The following TUFM variants were observed in gnomAD, a reference collection of about 807,000 sequenced individuals.
TUFM encodes Tu translation elongation factor, mitochondrial, also known as elongation factor Tu, mitochondrial.
A neutral mutation model predicts 45.0 loss-of-function variants in TUFM; 23 were observed. The observed-to-expected ratio is 0.51, with a 90% confidence interval of 0.37 to 0.72. The LOEUF (loss-of-function observed/expected upper bound fraction) is 0.72, where lower values mean the gene tolerates loss of function less well. Among genes scored for constraint, TUFM ranks in the 30% least tolerant of loss-of-function variants. The pLI, the probability that TUFM is intolerant of heterozygous loss-of-function variation, is 0.00. For missense variants in TUFM, 490 were observed against 610.7 expected, an observed-to-expected ratio of 0.80 and a Z score of 2.08; for synonymous variants, 243 against 252.9, an observed-to-expected ratio of 0.96 and a Z score of 0.37.
rs1370970953 is a variant in TUFM at position 28,843,736 on chromosome 16, C to T, written c.1194G>A (p.Lys398=). 5 of 1,612,696 alleles carry T rather than the reference C, an allele frequency of 3.1e-6. No individual in the cohort carries two copies. Among genetic ancestry groups the T allele is most frequent in the Non-Finnish European group, 4.2e-6 (5 of 1,179,930 alleles). ...CCTACATTCCTCCCACCCACCGTAC[C>T]TTCTCTGGGGGCAGGATAATCCGAC... The part of the protein sequence containing the change: ...MACRIILPPE[K]ELAMPGEDLK... The change falls in exon 9 of 10, where the codon AAG becomes AAA. Residue 398 remains lysine, a splice_region_variant and synonymous_variant. Coordinates refer to ENST00000313511, the MANE Select transcript of TUFM (RefSeq NM_003321.5).
rs1961860629 is a variant in TUFM at position 28,843,841 on chromosome 16, G to C, written c.1089C>G (p.Ser363Arg). 3.7e-6 allele frequency: 6 copies of C among 1,614,040 alleles called. No individual in the cohort carries two copies. Among genetic ancestry groups the C allele is most frequent in the South Asian group, 2.2e-5 (2 of 91,086 alleles). ...GCTTGTGGCGGCCACCTTCCTCCTT[G>C]CTGAGGATGTAAACCTGGAGGAGAG... ...QKVEAQVYILSKEEGGRHKPF... is the reference protein window; with the variant it reads ...QKVEAQVYILRKEEGGRHKPF... The change falls in exon 9 of 10, where the codon AGC becomes AGG. Residue 363 changes from serine to arginine, a missense_variant. Coordinates refer to ENST00000313511, the MANE Select transcript of TUFM (RefSeq NM_003321.5).
rs754022445 is a variant in TUFM at position 28,844,303 on chromosome 16, C to G, written c.849G>C (p.Glu283Asp). Residue 283 changes from glutamate (E) to aspartate (D), a missense_variant, in exon 7 of 10, where the codon GAG becomes GAC. Physicochemically the swap from Glu to Asp is conservative, Grantham distance 45 (BLOSUM62 2). Transcript: ENST00000313511. This position sits in a 1 kb window ranked among gnomAD's most constrained non-coding sequence, Gnocchi z 5.8. The part of the protein sequence containing the change: ...GRGTVVTGTL[E>D]RGILKKGDEC... ...CGTCTCCCTTCTTTAAAATGCCACG[C>G]TCTAGTGTACCTGTCACCACGGTGC... 5.6e-6 allele frequency: 9 copies of G among 1,614,054 alleles called. No individual in the cohort carries two copies. Among genetic ancestry groups the G allele is most frequent in the Non-Finnish European group, 1.7e-6 (2 of 1,180,054 alleles).
Position 28,844,407 on chromosome 16 carries a change from C to CA in TUFM, c.817+11dup. 4.3e-6 allele frequency: 7 copies of CA among 1,614,216 alleles called. No individual in the cohort carries two copies. Among genetic ancestry groups the CA allele is most frequent in the East Asian group, 4.5e-5 (2 of 44,892 alleles). On this transcript the variant is annotated intron_variant, in intron 6 of 9. Coordinates refer to ENST00000313511, the MANE Select transcript of TUFM (RefSeq NM_003321.5). The surrounding 1 kb of genome is among the most constrained non-coding windows in gnomAD (Gnocchi z 5.8). The stretch of plus-strand genomic sequence containing the variant: ...GCTAGAGAGAGTGCGTGGGAACAGA[C>CA]AGAGTCCTCACCAGGGACGGAGTAC...
At position 28,844,151 on chromosome 16, in the gene TUFM, C is replaced by CA; in HGVS notation, c.923-51dup. The CA allele has an allele frequency of 6.2e-7, 1 of 1,613,996 alleles. No homozygotes were observed. The highest frequency in any genetic ancestry group is 8.5e-7 in the Non-Finnish European group (1 of 1,179,832). ...AGGGAGAAGGAAGGCGAATGTGAGA[C>CA]AGAGGGAAGGCACAAGGGATCTGCC... On this transcript the variant is annotated intron_variant, in intron 7 of 9. Transcript: ENST00000313511. This position sits in a 1 kb window ranked among gnomAD's most constrained non-coding sequence, Gnocchi z 5.8.
chr16:28,844,822 T>C lies in TUFM; in HGVS notation c.560A>G (p.Asp187Gly). ...CACCATCTCAGAGTCCTGGACAGCG[T>C]CAGCCTTGTTCACATACACCACCAC... is the stretch of plus-strand genomic sequence containing the variant. ...EHVVVYVNKADAVQDSEMVEL... is the reference protein window; with the variant it reads ...EHVVVYVNKAGAVQDSEMVEL... The change falls in exon 5 of 10, where the codon GAC becomes GGC. Residue 187 changes from aspartate (D) to glycine (G), a missense_variant. By Grantham distance (94) the Asp-to-Gly change is moderately conservative. Transcript: ENST00000313511. This position sits in a 1 kb window ranked among gnomAD's most constrained non-coding sequence, Gnocchi z 5.8. 1 of 1,614,174 alleles carries C rather than the reference T, an allele frequency of 6.2e-7. No individual in the cohort carries two copies. The highest frequency in any genetic ancestry group is 8.5e-7 in the Non-Finnish European group (1 of 1,180,036).
Position 28,844,640 on chromosome 16 carries a change from T to A in TUFM, c.684+58A>T. ...ACTTCCCAGACACAAAGCAGAGCTCTGGGTGCCCATCCAGCCCCACCCTCT... is the reference window on the plus strand; with the variant it reads ...ACTTCCCAGACACAAAGCAGAGCTCAGGGTGCCCATCCAGCCCCACCCTCT... On this transcript the variant is annotated intron_variant, in intron 5 of 9. Transcript: ENST00000313511. The surrounding 1 kb of genome is among the most constrained non-coding windows in gnomAD (Gnocchi z 5.8). 3.1e-6 allele frequency: 5 copies of A among 1,613,946 alleles called. No homozygotes were observed. Among genetic ancestry groups the A allele is most frequent in the Non-Finnish European group, 4.2e-6 (5 of 1,180,002 alleles).
In TUFM at chr16:28,845,382, C is replaced by T; in HGVS notation, c.346G>A (p.Val116Met). 1 of 1,614,128 alleles carries T rather than the reference C, an allele frequency of 6.2e-7. No homozygotes were observed. Among genetic ancestry groups the T allele is most frequent in the South Asian group, 1.1e-5 (1 of 91,082 alleles). ...ARGITINAAH[V>M]EYSTAARHYA... The stretch of plus-strand genomic sequence containing the variant: ...TGGCGGGCGGCAGTGCTATACTCCA[C>T]ATGAGCCGCATTGATGGTGATACCC... The change falls in exon 3 of 10, where the codon GTG (valine) becomes ATG (methionine). Residue 116 changes from valine to methionine, a missense_variant. Val to Met is a conservative substitution (Grantham distance 21). Transcript: ENST00000313511.
chr16:28,843,991 T>C lies in TUFM; in HGVS notation c.1033A>G (p.Lys345Glu). Residue 345 changes from lysine to glutamate, a missense_variant, in exon 8 of 10, where the codon AAG (lysine) becomes GAG (glutamate). Transcript: ENST00000313511. Reference protein sequence around the residue: ...EDLRRGLVMVKPGSIKPHQKV... With the variant: ...EDLRRGLVMVEPGSIKPHQKV... ...TGGTGGGGCTTGATGGAACCTGGCTTGACCATGACCAGGCCCCGCCGCAAG... is the reference window on the plus strand; with the variant it reads ...TGGTGGGGCTTGATGGAACCTGGCTCGACCATGACCAGGCCCCGCCGCAAG... 1 of 1,614,104 alleles carries C rather than the reference T, an allele frequency of 6.2e-7. No homozygotes were observed. Among genetic ancestry groups the C allele is most frequent in the South Asian group, 1.1e-5 (1 of 91,084 alleles).
At chr16:28,845,185 G>T in intron 3 of TUFM, 129 bp downstream of exon 3, 2 of 1,567,578 alleles carry the variant, frequency 1.3e-6, no homozygotes, top group South Asian at 1.1e-5. Flanking sequence ...CATTCTGCGT[G>T]GCCAAGACCA....
intron 9 of TUFM, 135 bp downstream of exon 9, chr16:28,843,601 A>T: frequency 7.7e-7 from 1 of 1,291,604 alleles, no homozygotes; most frequent in Non-Finnish European, 1.1e-6. Flanking sequence ...GTTGGCTAGC[A>T]GCGGCAAGCA....
chr16:28,846,134 C>T (rs970483152), intron 1 of TUFM, 28 bp from the exon 2 acceptor site: 35 of 1,612,516 alleles, frequency 2.2e-5, no homozygotes, highest in Non-Finnish European at 2.9e-5. Flanking sequence ...TGGAGTCAGG[C>T]AGGGAAGGGG....
chr16:28,846,286 C>T lies in TUFM; in HGVS notation c.-17G>A. The T allele has an allele frequency of 6.4e-7, 1 of 1,550,394 alleles. No individual in the cohort carries two copies. Among genetic ancestry groups the T allele is most frequent in the Middle Eastern group, 1.7e-4 (1 of 5,890 alleles). ...TGTGGTCATACTCGCGCCCCGGTAACCGGGGAGCCGGGACCAGGAGCCCGA... is the reference window on the plus strand; with the variant it reads ...TGTGGTCATACTCGCGCCCCGGTAATCGGGGAGCCGGGACCAGGAGCCCGA... On this transcript the variant is annotated 5_prime_UTR_variant, in exon 1 of 10. Coordinates refer to ENST00000313511, the MANE Select transcript of TUFM (RefSeq NM_003321.5).
Position 28,846,202 on chromosome 16 carries a change from C to T in TUFM, c.52+16G>A. ...AAAGTGTTCCTGGGCCGCCATCGCC[C>T]TCCCTGACCACTCACCGCTGAAGTG... On this transcript the variant is annotated intron_variant, in intron 1 of 9. Coordinates refer to ENST00000313511, the MANE Select transcript of TUFM (RefSeq NM_003321.5). The T allele has an allele frequency of 5.7e-6, 9 of 1,582,508 alleles. No homozygotes were observed. The highest frequency in any genetic ancestry group is 7.7e-6 in the Non-Finnish European group (9 of 1,164,440).
Position 28,844,089 on chromosome 16 carries a change from A to C in TUFM, c.935T>G (p.Phe312Cys). 1 of 1,614,168 alleles carries C rather than the reference A, an allele frequency of 6.2e-7. No individual in the cohort carries two copies. Among genetic ancestry groups the C allele is most frequent in the Non-Finnish European group, 8.5e-7 (1 of 1,180,036 alleles). ...IRTVVTGIEM[F>C]HKSLERAEAG... ...CTCGGCCCTCTCCAGGCTCTTGTGG[A>C]ACATCTCAATGCCTAGGACGGAAAG... is the stretch of plus-strand genomic sequence containing the variant. Residue 312 changes from phenylalanine to cysteine, a missense_variant, in exon 8 of 10, where the codon TTC becomes TGC. Phe to Cys is a radical substitution (Grantham distance 205). Coordinates refer to ENST00000313511, the MANE Select transcript of TUFM (RefSeq NM_003321.5). The surrounding 1 kb of genome is among the most constrained non-coding windows in gnomAD (Gnocchi z 5.8).
chr16:28,842,815 C>T lies in TUFM; in HGVS notation c.*160G>A, dbSNP rs1015748904. The T allele has an allele frequency of 1.1e-5, 10 of 939,888 alleles. No individual in the cohort carries two copies. In the Admixed American group the frequency reaches 1.6e-4, roughly 15 times the overall value. 58.2% of individuals were successfully genotyped at this position (939,888 alleles called of 1,614,324 possible). On this transcript the variant is annotated 3_prime_UTR_variant, in exon 10 of 10. Coordinates refer to ENST00000313511, the MANE Select transcript of TUFM (RefSeq NM_003321.5). ...CTTACTATTCAAAGTTTACTGACCT[C>T]CCCAGCCAGGCAGGCCAACCCTTCC...
In TUFM at chr16:28,844,467, G is replaced by C; in HGVS notation, c.769C>G (p.Leu257Val). 1 of 1,614,164 alleles carries C rather than the reference G, an allele frequency of 6.2e-7. No individual in the cohort carries two copies. ...DTYIPVPARD[L>V]EKPFLLPVEA... ...ACAGGCAGCAGGAAAGGCTTCTCCAGGTCCCGGGCGGGCACTGGGATGTAA... is the reference window on the plus strand; with the variant it reads ...ACAGGCAGCAGGAAAGGCTTCTCCACGTCCCGGGCGGGCACTGGGATGTAA... The change falls in exon 6 of 10, where the codon CTG becomes GTG. Residue 257 changes from leucine to valine, a missense_variant. Coordinates refer to ENST00000313511, the MANE Select transcript of TUFM (RefSeq NM_003321.5). The surrounding 1 kb of genome is among the most constrained non-coding windows in gnomAD (Gnocchi z 5.8).
rs1240227585 is a variant in TUFM at position 28,842,452 on chromosome 16, C to T, written c.*523G>A. ...TTATTGTGGTAGTCTGGAAGCAAAC[C>T]TACAGCATCTGAGGTATGCCTGTCC... On this transcript the variant is annotated 3_prime_UTR_variant, in exon 10 of 10. Coordinates refer to ENST00000313511, the MANE Select transcript of TUFM (RefSeq NM_003321.5). 5.3e-6 allele frequency: 1 copy of T among 188,824 alleles called. No individual in the cohort carries two copies. The highest frequency in any genetic ancestry group is 2.4e-5 in the African/African-American group (1 of 42,184). 11.7% of individuals were successfully genotyped at this position (188,824 alleles called of 1,614,324 possible).
chr16:28,846,337 C>T lies in TUFM; in HGVS notation c.-68G>A. ...GCGCACAGAAGAAGAAGGGCGCCTG[C>T]GGCTGGAAGGCACTTCCGGCGGAAG... is the stretch of plus-strand genomic sequence containing the variant. On this transcript the variant is annotated 5_prime_UTR_variant, in exon 1 of 10. Transcript: ENST00000313511. The T allele has an allele frequency of 2.0e-6, 3 of 1,511,356 alleles. No homozygotes were observed. The highest frequency in any genetic ancestry group is 2.1e-5 in the Admixed American group (1 of 47,648). The allele number at this position is 1,511,356 out of a possible 1,614,324, so 93.6% of individuals were successfully genotyped here. A position where few individuals can be genotyped will look rare whatever the true frequency, so the allele number is the denominator to read the frequency against.
At position 28,842,904 on chromosome 16, in the gene TUFM, C is replaced by A; in HGVS notation, c.*71G>T. On this transcript the variant is annotated 3_prime_UTR_variant, in exon 10 of 10. Transcript: ENST00000313511. ...TTGCAGCCTATGCCATGAGAGGGTA[C>A]TGGAAGCAGGAGGGAGCCCTGGCTA... The A allele has an allele frequency of 6.3e-7, 1 of 1,594,214 alleles. No homozygotes were observed. The highest frequency in any genetic ancestry group is 8.6e-7 in the Non-Finnish European group (1 of 1,164,222).
Sources: allele counts gnomAD v4.1 joint callset, GRCh38; gene constraint gnomAD v4.1.1; non-coding constraint Gnocchi (gnomAD v3.1); transcripts MANE v1.5; gene names NCBI Gene and HGNC (gene_info 2026-07-23, HGNC 2026-07-21).